Variants in GADL1 observed in about 807,000 individuals in gnomAD.
The protein encoded by GADL1 is acidic amino acid decarboxylase GADL1.
A neutral mutation model predicts 69.5 loss-of-function variants in GADL1; 71 were observed. That is an observed-to-expected ratio of 1.02 (90% confidence interval 0.84 to 1.25). GADL1 has a LOEUF of 1.25. GADL1 is among the 50% of genes most tolerant of loss of function. The probability of loss-of-function intolerance (pLI) is 0.00; values close to 1 mark genes in which losing one functional copy is unlikely to be tolerated. For synonymous variants in GADL1, 254 were observed against 214.4 expected (o/e 1.18, Z -1.62); for missense variants, 737 against 631.8 (o/e 1.17, Z -1.79).
At chr3:30,858,234 T>C (rs990185317) in intron 2 of GADL1, among the ~76,000 whole-genome samples, 1 of 152,024 alleles carries the variant, frequency 6.6e-6, no homozygotes, top group Admixed American at 6.6e-5. Flanking sequence ...ACTGAATGGA[T>C]AAACAGAGAT....
Position 30,728,130 on chromosome 3 carries a change from G to C in GADL1, c.*112C>G. ...TGGTTTTGCTGGGCCTGGACTGGGA[G>C]TATTCCCTATTTCTCATCAGAAGGG... On this transcript the variant is annotated 3_prime_UTR_variant, in exon 15 of 15. Coordinates refer to ENST00000282538, the MANE Select transcript of GADL1 (RefSeq NM_207359.3). 2 of 926,704 alleles carry C rather than the reference G, an allele frequency of 2.2e-6. No homozygotes were observed. The highest frequency in any genetic ancestry group is 4.9e-5 in the East Asian group (2 of 40,836). 57.4% of individuals were successfully genotyped at this position (926,704 alleles called of 1,614,324 possible).
chr3:30,751,141 G>A (rs1695804620), intron 14 of GADL1, among the ~76,000 whole-genome samples: 1 of 150,434 alleles, frequency 6.6e-6, no homozygotes, highest in African/African-American at 2.5e-5. Context: ...CCATATCCTC[G>A]CTCCTGTGAT....
chr3:30,848,211 C>A (rs530110416), intron 6 of GADL1, among the ~76,000 whole-genome samples: 1 of 152,300 alleles, frequency 6.6e-6, no homozygotes, highest in East Asian at 1.9e-4. Flanking sequence ...ACCAAACATT[C>A]TTCTCTTGGT....
chr3:30,780,262 C>T (rs1403239051), intron 13 of GADL1, among the ~76,000 whole-genome samples: 2 of 152,122 alleles, frequency 1.3e-5, no homozygotes, highest in Non-Finnish European at 2.9e-5. Context: ...GCTCAGCACT[C>T]CAGACTAGAT....
At chr3:30,742,431 T>G (rs1695639624) in intron 14 of GADL1, among the ~76,000 whole-genome samples, 1 of 152,076 alleles carries the variant, frequency 6.6e-6, no homozygotes, top group African/African-American at 2.4e-5. Flanking sequence ...AATTTTTCAT[T>G]TTCTAGCTCC....
intron 11 of GADL1, among the ~76,000 whole-genome samples, chr3:30,823,652 G>C (rs1160133134): frequency 3.3e-5 from 5 of 151,914 alleles, no homozygotes; most frequent in Non-Finnish European, 7.4e-5. Flanking sequence ...GACAATAGGA[G>C]AGCCAGGAAT....
At chr3:30,729,698 T>C (rs1243120106) in intron 14 of GADL1, among the ~76,000 whole-genome samples, 1 of 152,180 alleles carries the variant, frequency 6.6e-6, no homozygotes, top group Admixed American at 6.5e-5. Context: ...ATGAAAAAAT[T>C]GGGTGTTTTA....
At chr3:30,801,538 A>G (rs895243444) in intron 11 of GADL1, among the ~76,000 whole-genome samples, 1 of 152,216 alleles carries the variant, frequency 6.6e-6, no homozygotes, top group African/African-American at 2.4e-5. Context: ...AAAAGGCTAG[A>G]CCCAACATAA....
chr3:30,810,471 G>A (rs1455918969), intron 11 of GADL1, among the ~76,000 whole-genome samples: 1 of 152,236 alleles, frequency 6.6e-6, no homozygotes, highest in Non-Finnish European at 1.5e-5. Context: ...TGGCCCTTTG[G>A]TTGATATGCT....
chr3:30,847,707 A>T (rs1698080800), intron 6 of GADL1, among the ~76,000 whole-genome samples: 1 of 152,186 alleles, frequency 6.6e-6, no homozygotes, highest in African/African-American at 2.4e-5. Context: ...TGGAATTCAC[A>T]CCTAGTTCTT....
At chr3:30,792,401 C>T (rs1397469609) in intron 12 of GADL1, among the ~76,000 whole-genome samples, 3 of 152,052 alleles carry the variant, frequency 2.0e-5, no homozygotes, top group Non-Finnish European at 4.4e-5. Flanking sequence ...GGTGAAACCC[C>T]ATCTCTACAA....
intron 14 of GADL1, among the ~76,000 whole-genome samples, chr3:30,770,925 T>A (rs947984626): frequency 1.3e-5 from 2 of 152,176 alleles, no homozygotes; most frequent in Non-Finnish European, 2.9e-5. Flanking sequence ...AAAACACATC[T>A]ATGAAAATGT....
At chr3:30,815,038 T>G (rs1247620233) in intron 11 of GADL1, among the ~76,000 whole-genome samples, 2 of 152,048 alleles carry the variant, frequency 1.3e-5, no homozygotes, top group African/African-American at 4.8e-5. Flanking sequence ...ACTTAGCCAC[T>G]AAAAGAGATA....
chr3:30,756,721 C>T (rs1695982192), intron 14 of GADL1, among the ~76,000 whole-genome samples: 1 of 152,158 alleles, frequency 6.6e-6, no homozygotes, highest in African/African-American at 2.4e-5. Flanking sequence ...TTAGTTGTCC[C>T]AGATGAGGCC....
intron 1 of GADL1, among the ~76,000 whole-genome samples, chr3:30,865,145 TCTTTC>T (rs1446311088): frequency 6.6e-6 from 1 of 151,992 alleles, no homozygotes; most frequent in African/African-American, 2.4e-5. Flanking sequence ...CCATGCTGAT[TCTTTC>T]CTTAAACATC....
chr3:30,872,130 TG>T (rs1488642939), intron 1 of GADL1, among the ~76,000 whole-genome samples: 22 of 152,048 alleles, frequency 1.4e-4, no homozygotes, highest in African/African-American at 5.3e-4. Flanking sequence ...ACTTCTATAA[TG>T]GGTACAAATT....
intron 2 of GADL1, among the ~76,000 whole-genome samples, chr3:30,861,015 C>T (rs1030372938): frequency 2.6e-5 from 4 of 151,952 alleles, no homozygotes; most frequent in South Asian, 2.1e-4. Context: ...TCATTAGCGG[C>T]GGTTCTAATA....
chr3:30,782,298 C>T (rs1018495844), intron 13 of GADL1, among the ~76,000 whole-genome samples: 1 of 152,046 alleles, frequency 6.6e-6, no homozygotes, highest in East Asian at 1.9e-4. Flanking sequence ...AAGTGGGACA[C>T]AAGTTAGCAG....
chr3:30,764,452 C>CT (rs1473718420), intron 14 of GADL1, among the ~76,000 whole-genome samples: 3 of 152,130 alleles, frequency 2.0e-5, no homozygotes, highest in Non-Finnish European at 4.4e-5. Context: ...TCAAACTGAG[C>CT]TTTTTTTCCT....
Sources: gnomAD v4.1 joint callset for allele counts (sites outside exome capture counted in the v4.1 genomes callset) on GRCh38, gnomAD v4.1.1 for gene constraint, MANE v1.5 for transcripts, NCBI Gene and HGNC (gene_info 2026-07-23, HGNC 2026-07-21) for gene names.